HBEGF: variants seen among roughly 807,000 people sequenced by gnomAD.
The protein encoded by HBEGF is heparin binding EGF like growth factor.
Under a neutral mutation model 19.5 loss-of-function variants are expected in HBEGF, and 8 were observed. That is an observed-to-expected ratio of 0.41 (90% CI 0.24 to 0.74). HBEGF has a LOEUF of 0.74. Among genes scored for constraint, HBEGF ranks in the 30% least tolerant of loss-of-function variants. HBEGF has a pLI of 0.32. For synonymous variants in HBEGF, 97 were observed against 108.9 expected (o/e 0.89, Z 0.68); for missense variants, 207 against 256.9 (o/e 0.81, Z 1.33).
intron 3 of HBEGF, among the ~76,000 whole-genome samples, chr5:140,339,540 C>A (rs983280371): frequency 2.6e-5 from 4 of 151,994 alleles, no homozygotes; most frequent in Non-Finnish European, 4.4e-5. Flanking sequence ...TTACAGGCGC[C>A]CGCCACAACA....
chr5:140,336,442 C>G (rs1766228998), intron 3 of HBEGF, among the ~76,000 whole-genome samples: 1 of 152,246 alleles, frequency 6.6e-6, no homozygotes, highest in African/African-American at 2.4e-5. Flanking sequence ...ATTCGTATCA[C>G]TCCCTCCAGT....
chr5:140,341,077 A>T (rs1243304142), intron 3 of HBEGF, among the ~76,000 whole-genome samples: 1 of 152,156 alleles, frequency 6.6e-6, no homozygotes, highest in African/African-American at 2.4e-5. Flanking sequence ...AACTCATATT[A>T]TATATAAACA....
At chr5:140,340,822 C>T (rs1189600963) in intron 3 of HBEGF, among the ~76,000 whole-genome samples, 4 of 152,124 alleles carry the variant, frequency 2.6e-5, no homozygotes, top group Non-Finnish European at 5.9e-5. Context: ...AGCTTGAGGG[C>T]ATGAAAAGCA....
At chr5:140,345,425 T>C (rs571307901) in intron 2 of HBEGF, among the ~76,000 whole-genome samples, 13 of 152,270 alleles carry the variant, frequency 8.5e-5, no homozygotes, top group African/African-American at 3.1e-4. Context: ...AGCTCCTCAT[T>C]CCCCTCTGTT....
intron 2 of HBEGF, 150 bp from the exon 3 acceptor site, chr5:140,342,962 A>C (rs1766337504): frequency 2.8e-6 from 2 of 711,798 alleles, no homozygotes; most frequent in Admixed American, 2.5e-5. Flanking sequence ...AAGAGGCAGA[A>C]GGAAGAGCAG....
At chr5:140,345,795 C>G (rs1692594691) in intron 2 of HBEGF, 116 bp downstream of exon 2, 1 of 1,274,294 alleles carries the variant, frequency 7.8e-7, no homozygotes, top group African/African-American at 1.5e-5. Flanking sequence ...AGCTTTTCCC[C>G]GAGGTTCTCC....
At chr5:140,337,868 C>G (rs141069555) in intron 3 of HBEGF, among the ~76,000 whole-genome samples, 50 of 152,320 alleles carry the variant, frequency 3.3e-4, no homozygotes, top group African/African-American at 1.2e-3. Context: ...CCTGGAAAAT[C>G]ACTTGTGCAC....
rs1766177757 is a variant in HBEGF, at chr5:140,333,114, T to C, written c.*1185A>G. The C allele has an allele frequency of 6.6e-6, 1 of 152,648 alleles. No homozygotes were observed. Among genetic ancestry groups the C allele is most frequent in the South Asian group, 2.1e-4 (1 of 4,824 alleles). 9.5% of individuals were successfully genotyped at this position (152,648 alleles called of 1,614,324 possible). A position where few individuals can be genotyped will look rare whatever the true frequency, so the allele number is the denominator to read the frequency against. ...TCAGCCTTTTGCTTTGCTAATACCT[T>C]CTCCAGACTGTCCTCTGCTGCACTG... is the stretch of plus-strand genomic sequence containing the variant. On this transcript the variant is annotated 3_prime_UTR_variant, in exon 6 of 6. Coordinates refer to ENST00000230990, the MANE Select transcript of HBEGF (RefSeq NM_001945.3).
At chr5:140,337,096 G>T (rs925568914) in intron 3 of HBEGF, among the ~76,000 whole-genome samples, 3 of 152,076 alleles carry the variant, frequency 2.0e-5, no homozygotes, top group Non-Finnish European at 4.4e-5. Flanking sequence ...CTCCCAATGT[G>T]CAAGGATTAC....
intron 4 of HBEGF, 68 bp downstream of exon 4, chr5:140,335,804 G>C: frequency 6.6e-7 from 1 of 1,524,328 alleles, no homozygotes; most frequent in South Asian, 1.2e-5. Context: ...CCATCAAGGA[G>C]AGGGCCCAGG....
chr5:140,343,100 C>T, intron 2 of HBEGF: 2 of 373,334 alleles, frequency 5.4e-6, no homozygotes, highest in Non-Finnish European at 9.8e-6. Context: ...TGTTGAGTAA[C>T]TGGGCAATTC....
rs146165506 is a variant in HBEGF at position 140,333,709 on chromosome 5, G to A, written c.*590C>T. The A allele has an allele frequency of 6.6e-6, 1 of 152,598 alleles. No individual in the cohort carries two copies. The highest frequency in any genetic ancestry group is 2.1e-4 in the South Asian group (1 of 4,816). 9.5% of individuals were successfully genotyped at this position (152,598 alleles called of 1,614,324 possible). ...ATAAAATAAATATATAATTTAAGAG[G>A]CATTTACAAACAACAACAACAAAAA... On this transcript the variant is annotated 3_prime_UTR_variant, in exon 6 of 6. Coordinates refer to ENST00000230990, the MANE Select transcript of HBEGF (RefSeq NM_001945.3).
intron 3 of HBEGF, 119 bp from the exon 4 acceptor site, chr5:140,336,146 C>T (rs557514935): frequency 2.8e-5 from 27 of 954,608 alleles, no homozygotes; most frequent in Admixed American, 2.6e-4. Flanking sequence ...TCCCTGACCA[C>T]GATCCCTGCC....
At chr5:140,344,801 T>C (rs902772130) in intron 2 of HBEGF, among the ~76,000 whole-genome samples, 2 of 129,620 alleles carry the variant, frequency 1.5e-5, no homozygotes, top group African/African-American at 3.0e-5. Flanking sequence ...GCTCCTGCCA[T>C]GGACAGGGAG....
rs1766205220 is a variant in HBEGF at position 140,334,953 on chromosome 5, CT to C, written c.555-206del. The C allele has an allele frequency of 6.6e-6, 4 of 602,500 alleles. No individual in the cohort carries two copies. The East Asian group carries it at 1.1e-4, about 17-fold the overall frequency. The allele number at this position is 602,500 out of a possible 1,614,324, so 37.3% of individuals were successfully genotyped here. On this transcript the variant is annotated intron_variant, in intron 4 of 5. Coordinates refer to ENST00000230990, the MANE Select transcript of HBEGF (RefSeq NM_001945.3). Reference sequence around the variant, plus strand: ...ATAGCAGGATGCAATTTACAAATAGCTTTCACCTCATTTACGTGATCCTCAC... The same window carrying C: ...ATAGCAGGATGCAATTTACAAATAGCTTCACCTCATTTACGTGATCCTCAC...
intron 3 of HBEGF, 101 bp from the exon 4 acceptor site, chr5:140,336,128 C>A: frequency 2.6e-6 from 3 of 1,173,152 alleles, no homozygotes; most frequent in African/African-American, 1.5e-5. Context: ...ATACCCTCAG[C>A]CTGTCAATCC....
chr5:140,336,666 G>A (rs1405244230), intron 3 of HBEGF, among the ~76,000 whole-genome samples: 1 of 152,190 alleles, frequency 6.6e-6, no homozygotes, highest in African/African-American at 2.4e-5. Flanking sequence ...TCTGCACGCT[G>A]AGCTACCAGG....
At chr5:140,344,339 C>G (rs550567289) in intron 2 of HBEGF, among the ~76,000 whole-genome samples, 1 of 152,140 alleles carries the variant, frequency 6.6e-6, no homozygotes. Context: ...CATGAATGGG[C>G]TCTGAAGTCC....
At chr5:140,342,381 T>G (rs1398070158) in intron 3 of HBEGF, among the ~76,000 whole-genome samples, 6 of 152,166 alleles carry the variant, frequency 3.9e-5, no homozygotes, top group Admixed American at 6.5e-5. Context: ...AGCCACATGC[T>G]CATTTCTGGG....
Sources: gnomAD v4.1 joint callset for allele counts (sites outside exome capture counted in the v4.1 genomes callset) on GRCh38, gnomAD v4.1.1 for gene constraint, MANE v1.5 for transcripts, NCBI Gene and HGNC (gene_info 2026-07-23, HGNC 2026-07-21) for gene names.